The following SIGLEC1 variants were observed in gnomAD, a reference collection of about 807,000 sequenced individuals.
SIGLEC1 encodes sialoadhesin.
Under a neutral mutation model 148.0 loss-of-function variants are expected in SIGLEC1, and 132 were observed. The ratio of observed to expected loss-of-function variants is 0.89; its 90% confidence interval spans 0.77 to 1.03. The LOEUF is 1.03. SIGLEC1 is among the 50% of genes least tolerant of loss of function. The probability of loss-of-function intolerance (pLI) is 0.00; values close to 1 mark genes in which losing one functional copy is unlikely to be tolerated. For synonymous variants in SIGLEC1, 945 were observed against 969.0 expected (o/e 0.98, Z 0.46); for missense variants, 2,253 against 2,271.4 (o/e 0.99, Z 0.16).
rs911849416 is a variant in SIGLEC1, at chr20:3,687,293, T to G, written c.*1267A>C. 2 of 152,274 alleles carry G rather than the reference T, an allele frequency of 1.3e-5. No homozygotes were observed. The highest frequency in any genetic ancestry group is 4.8e-5 in the African/African-American group (2 of 41,452). The allele number at this position is 152,274 out of a possible 1,614,324, so 9.4% of individuals were successfully genotyped here. On this transcript the variant is annotated 3_prime_UTR_variant, in exon 22 of 22. Transcript: ENST00000344754. Reference sequence around the variant, plus strand: ...TGATTCGCAGGGGCACGTCATTCCTTCTTGGTAACTCATTCTCTTTAACAG... The same window carrying G: ...TGATTCGCAGGGGCACGTCATTCCTGCTTGGTAACTCATTCTCTTTAACAG...
chr20:3,704,955 T>C (rs1325902713), intron 4 of SIGLEC1, among the ~76,000 whole-genome samples: 2 of 152,234 alleles, frequency 1.3e-5, no homozygotes, highest in African/African-American at 4.8e-5. Flanking sequence ...GGCACTCTTC[T>C]AAATCCTTGA....
rs776864717 is a variant in SIGLEC1 at position 3,692,034 on chromosome 20, C to T, written c.4199G>A (p.Gly1400Asp). Residue 1400 changes from glycine (G) to aspartate (D), a missense_variant, in exon 17 of 22, where the codon GGC becomes GAC. By Grantham distance (94) the Gly-to-Asp change is moderately conservative. Transcript: ENST00000344754. ...GGCGTTTCGGGCCACCTGGACATGG[C>T]CTGTCCCTGATGCCAAGCTGTGGAC... ...SGVHSLASGT[G>D]HVQVARNALR... 1.2e-6 allele frequency: 2 copies of T among 1,613,118 alleles called. No homozygotes were observed. The highest frequency in any genetic ancestry group is 1.1e-5 in the South Asian group (1 of 90,996).
At chr20:3,696,517 C>T in intron 11 of SIGLEC1, 69 bp downstream of exon 11, 1 of 1,445,920 alleles carries the variant, frequency 6.9e-7, no homozygotes, top group Non-Finnish European at 9.3e-7. Flanking sequence ...CAGCACCCAG[C>T]CCAAAGTCTG....
Position 3,701,457 on chromosome 20 carries a change from G to A in SIGLEC1, c.1413C>T (p.Pro471=). 6.2e-7 allele frequency: 1 copy of A among 1,614,146 alleles called. No individual in the cohort carries two copies. The highest frequency in any genetic ancestry group is 8.5e-7 in the Non-Finnish European group (1 of 1,180,040). Residue 471 remains proline, a synonymous_variant, in exon 7 of 22, where the codon CCC becomes CCT. Transcript: ENST00000344754. ...CTCGGATCTCCAGGCGCAGGGAGTT[G>A]GGACCAGAGGTACCACTGAAGCGTG... The part of the protein sequence containing the change: ...HSPRFSGTSG[P]NSLRLEIRDL...
In SIGLEC1 at chr20:3,692,954, C is replaced by T. The variant is rs372543197; in HGVS notation, c.3686G>A (p.Arg1229Gln). 5.0e-6 allele frequency: 8 copies of T among 1,612,574 alleles called. No individual in the cohort carries two copies. Among genetic ancestry groups the T allele is most frequent in the Admixed American group, 1.7e-5 (1 of 59,992 alleles). ...SVPNTLRLELRGPQPRDEGFY... is the reference protein window; with the variant it reads ...SVPNTLRLELQGPQPRDEGFY... ...ACCCTCATCCCTGGGCTGTGGCCCT[C>T]GCAGCTCCAGGCGCAGGGTGTTGGG... Residue 1229 changes from arginine to glutamine, a missense_variant, in exon 15 of 22, where the codon CGA (arginine) becomes CAA (glutamine). Arg to Gln is a conservative substitution (Grantham distance 43). Transcript: ENST00000344754.
rs200631809 is a variant in SIGLEC1 at position 3,690,824 on chromosome 20, C to CT, written c.4591+515dup. Among the ~76,000 whole-genome samples the CT allele has an allele frequency of 2.1e-3, 264 of 126,824 alleles. 3 individuals carry two copies. Among genetic ancestry groups the CT allele is most frequent in the Middle Eastern group, 7.8e-3 (2 of 258 alleles). 83.2% of individuals were successfully genotyped at this position (126,824 alleles called of 152,430 possible). A position where few individuals can be genotyped will look rare whatever the true frequency, so the allele number is the denominator to read the frequency against. ...TTCTTTTGGTTTTTTCTCTTCTTTT[C>CT]TTTTCTTTTTTTTTTTTTTTTCTTG... is the stretch of plus-strand genomic sequence containing the variant. On this transcript the variant is annotated intron_variant, in intron 18 of 21. Transcript: ENST00000344754.
Position 3,701,661 on chromosome 20 carries a change from G to T in SIGLEC1, c.1229-20C>A. Reference sequence around the variant, plus strand: ...GCGGGTCTGTGTGGAGACGAGAGGTGGGCCTGTCACCCTCAGACAAGGGCA... The same window carrying T: ...GCGGGTCTGTGTGGAGACGAGAGGTTGGCCTGTCACCCTCAGACAAGGGCA... On this transcript the variant is annotated intron_variant, in intron 6 of 21. Coordinates refer to ENST00000344754, the MANE Select transcript of SIGLEC1 (RefSeq NM_023068.4). 2.6e-6 allele frequency: 4 copies of T among 1,533,030 alleles called. No individual in the cohort carries two copies. The highest frequency in any genetic ancestry group is 2.6e-6 in the Non-Finnish European group (3 of 1,137,218). The allele number at this position is 1,533,030 out of a possible 1,614,324, so 95.0% of individuals were successfully genotyped here.
chr20:3,693,370 C>G (rs752517539), intron 14 of SIGLEC1, 77 bp downstream of exon 14: 1 of 1,466,990 alleles, frequency 6.8e-7, no homozygotes, highest in Non-Finnish European at 9.1e-7. Context: ...GGACACCTGT[C>G]GGGTTCCGGC....
At chr20:3,700,662 A>C (rs1425279289) in intron 7 of SIGLEC1, among the ~76,000 whole-genome samples, 1 of 151,408 alleles carries the variant, frequency 6.6e-6, no homozygotes, top group Non-Finnish European at 1.5e-5. Context: ...GCACATACCG[A>C]AAGTTGGAAG....
rs370197726 is a variant in SIGLEC1 at position 3,702,378 on chromosome 20, G to T, written c.1229-737C>A. Among the ~76,000 whole-genome samples the T allele has an allele frequency of 7.2e-5, 11 of 152,124 alleles. 1 individual carries two copies. Among genetic ancestry groups the T allele is most frequent in the African/African-American group, 2.4e-4 (10 of 41,436 alleles). ...AGGTAGGTGGATCACGTGAGGTCAG[G>T]AGTTCAAGACCATCCTGGCCAACAT... is the stretch of plus-strand genomic sequence containing the variant. On this transcript the variant is annotated intron_variant, in intron 6 of 21. Coordinates refer to ENST00000344754, the MANE Select transcript of SIGLEC1 (RefSeq NM_023068.4).
intron 4 of SIGLEC1, 100 bp downstream of exon 4, chr20:3,705,644 C>T: frequency 1.5e-6 from 2 of 1,339,124 alleles, no homozygotes; most frequent in Admixed American, 4.1e-5. Flanking sequence ...GGTTTTGCAT[C>T]AGGAGCAAGG....
At chr20:3,700,697 C>CTTTTTTTTTTTTTTTT (rs71195856) in intron 7 of SIGLEC1, among the ~76,000 whole-genome samples, 1 of 119,886 alleles carries the variant, frequency 8.3e-6, no homozygotes, top group Non-Finnish European at 1.7e-5. Flanking sequence ...TTTTCTTTTT[C>CTTTTTTTTTTTTTTTT]TTTTTTTTTT....
intron 13 of SIGLEC1, 47 bp downstream of exon 13, chr20:3,694,174 G>GAC (rs59383643): frequency 0.25 from 287,223 of 1,146,980 alleles, 8,629 homozygotes; most frequent in Admixed American, 0.27. Context: ...TCTTTTAAAG[G>GAC]ACACACACAC....
At chr20:3,705,428 T>C (rs1022311889) in intron 4 of SIGLEC1, among the ~76,000 whole-genome samples, 1 of 152,094 alleles carries the variant, frequency 6.6e-6, no homozygotes, top group African/African-American at 2.4e-5. Context: ...CAGCACGGGG[T>C]AAATCCCGGG....
chr20:3,701,517 G>A lies in SIGLEC1; in HGVS notation c.1353C>T (p.Ile451=). 6.2e-7 allele frequency: 1 copy of A among 1,614,006 alleles called. No homozygotes were observed. Among genetic ancestry groups the A allele is most frequent in the Non-Finnish European group, 8.5e-7 (1 of 1,180,002 alleles). Residue 451 remains isoleucine (I), a synonymous_variant, in exon 7 of 22, where the codon ATC becomes ATT. Coordinates refer to ENST00000344754, the MANE Select transcript of SIGLEC1 (RefSeq NM_023068.4). The stretch of plus-strand genomic sequence containing the variant: ...CACTGTCCCCGGAGGTGGAGGCCAG[G>A]ATATGACCCCCATGTGACAGCACCA... ...ATLVLSHGGH[I]LASTSGDSDH... is the part of the protein sequence containing the mutation.
At position 3,710,525 on chromosome 20, in the gene SIGLEC1, C is replaced by G. The variant is rs189860572; in HGVS notation, c.-110+1945G>C. ...CCCAGCCTCCACACCAGGTTCTTGG[C>G]CACTGGAGAATGATATAGCTGGGGC... On this transcript the variant is annotated intron_variant, in intron 1 of 21. Transcript: ENST00000344754. This position sits in a 1 kb window ranked among gnomAD's most constrained non-coding sequence, Gnocchi z 4.6. 1.6e-4 allele frequency among the ~76,000 whole-genome samples: 25 copies of G among 152,320 alleles called. No homozygotes were observed. Among genetic ancestry groups the G allele is most frequent in the African/African-American group, 6.0e-4 (25 of 41,568 alleles).
rs141703844 is a variant in SIGLEC1 at position 3,701,501 on chromosome 20, C to G, written c.1369G>C (p.Gly457Arg). 3.9e-5 allele frequency: 63 copies of G among 1,614,034 alleles called. No homozygotes were observed. In the African/African-American group the frequency reaches 8.1e-4, roughly 21 times the overall value. ...HGGHILASTS[G>R]DSDHSPRFSG... ...AAGCGTGGGCTGTGATCACTGTCCC[C>G]GGAGGTGGAGGCCAGGATATGACCC... Residue 457 changes from glycine to arginine, a missense_variant, in exon 7 of 22, where the codon GGG becomes CGG. Gly to Arg is a moderately radical substitution (Grantham distance 125, BLOSUM62 -2). Coordinates refer to ENST00000344754, the MANE Select transcript of SIGLEC1 (RefSeq NM_023068.4).
intron 6 of SIGLEC1, among the ~76,000 whole-genome samples, chr20:3,702,130 G>A (rs575889222): frequency 1.3e-5 from 2 of 152,258 alleles, no homozygotes; most frequent in South Asian, 2.1e-4. Flanking sequence ...GAATGACAAG[G>A]AAAGACTGAG....
In SIGLEC1 at chr20:3,703,299, G is replaced by A. The variant is rs754492228; in HGVS notation, c.1126C>T (p.Arg376Trp). Residue 376 changes from arginine (R) to tryptophan (W), a missense_variant, in exon 6 of 22, where the codon CGG becomes TGG. Physicochemically the swap from Arg to Trp is moderately radical, Grantham distance 101 (BLOSUM62 -3). Transcript: ENST00000344754. ...LLEDAHSHTL[R>W]LHLATRADTG... ...TCAGCCCTAGTGGCCAAGTGCAGCCGGAGGGTATGGGAGTGGGCATCCTCC... is the reference window on the plus strand; with the variant it reads ...TCAGCCCTAGTGGCCAAGTGCAGCCAGAGGGTATGGGAGTGGGCATCCTCC... 1.6e-5 allele frequency: 26 copies of A among 1,614,016 alleles called. No homozygotes were observed. Among genetic ancestry groups the A allele is most frequent in the Admixed American group, 1.2e-4 (7 of 60,008 alleles).
Sources: gnomAD v4.1 joint callset for allele counts (sites outside exome capture counted in the v4.1 genomes callset) on GRCh38, gnomAD v4.1.1 for gene constraint, Gnocchi (gnomAD v3.1) non-coding constraint, MANE v1.5 for transcripts, NCBI Gene and HGNC (gene_info 2026-07-23, HGNC 2026-07-21) for gene names.